The following CENPW variants were observed in gnomAD, a reference collection of about 807,000 sequenced individuals.
CENPW encodes the protein cancer-up-regulated gene 2 protein.
In CENPW, 3 loss-of-function variants were observed where a neutral mutation model predicts 11.1. That is an observed-to-expected ratio of 0.27 (90% CI 0.12 to 0.70). The LOEUF (loss-of-function observed/expected upper bound fraction) is 0.70, where lower values mean the gene tolerates loss of function less well. CENPW is among the 30% of genes least tolerant of loss of function. CENPW has a pLI of 0.77. For missense variants in CENPW, 100 were observed against 105.6 expected (o/e 0.95, Z 0.23); for synonymous variants, 38 against 42.0 (o/e 0.91, Z 0.37).
At chr6:126,406,727 C>G in the CENPW span, among the ~76,000 whole-genome samples, 1 of 151,968 alleles carries the variant, frequency 6.6e-6, no homozygotes, top group African/African-American at 2.4e-5. Flanking sequence ...TGGTGGGCAC[C>G]TGTAATCCCA....
the CENPW span, among the ~76,000 whole-genome samples, chr6:126,410,655 A>T: frequency 2.0e-5 from 3 of 151,156 alleles, no homozygotes; most frequent in African/African-American, 7.3e-5. Context: ...TTGCTTAAGG[A>T]TGTCCTGTAA....
the CENPW span, among the ~76,000 whole-genome samples, chr6:126,371,214 G>A: frequency 6.6e-6 from 1 of 152,172 alleles, no homozygotes; most frequent in African/African-American, 2.4e-5. Context: ...GTATTATGCT[G>A]GCTGTGGGTT....
chr6:126,368,521 C>T, the CENPW span, among the ~76,000 whole-genome samples: 3 of 145,890 alleles, frequency 2.1e-5, no homozygotes, highest in South Asian at 2.1e-4. Flanking sequence ...TGTATTAGGA[C>T]TTTTTTTTTT....
At chr6:126,431,034 C>G in the CENPW span, among the ~76,000 whole-genome samples, 1 of 152,106 alleles carries the variant, frequency 6.6e-6, no homozygotes. Flanking sequence ...ATCTTCCTCA[C>G]CACTATCCTA....
chr6:126,361,583 C>T, the CENPW span, among the ~76,000 whole-genome samples: 2 of 152,206 alleles, frequency 1.3e-5, no homozygotes, highest in African/African-American at 2.4e-5. Flanking sequence ...GCGTGAGCCA[C>T]CGCGCCCAGC....
At chr6:126,409,044 C>T in the CENPW span, among the ~76,000 whole-genome samples, 1 of 151,872 alleles carries the variant, frequency 6.6e-6, no homozygotes, top group Non-Finnish European at 1.5e-5. Flanking sequence ...ATCATTCAGT[C>T]GTTTACTTGA....
At chr6:126,399,021 G>A in the CENPW span, among the ~76,000 whole-genome samples, 1 of 151,914 alleles carries the variant, frequency 6.6e-6, no homozygotes, top group Non-Finnish European at 1.5e-5. Flanking sequence ...GTATTCCATT[G>A]TGTATTTGTA....
the CENPW span, among the ~76,000 whole-genome samples, chr6:126,402,336 C>T: frequency 1.3e-5 from 2 of 151,666 alleles, no homozygotes; most frequent in African/African-American, 4.8e-5. Flanking sequence ...TTCCCCTCTC[C>T]ATCTTTCTTC....
the CENPW span, among the ~76,000 whole-genome samples, chr6:126,474,161 G>A: frequency 6.6e-6 from 1 of 151,520 alleles, no homozygotes; most frequent in Admixed American, 6.6e-5. Flanking sequence ...AAAGCCCACA[G>A]CTGACATTAT....
At chr6:126,375,417 G>GA in the CENPW span, among the ~76,000 whole-genome samples, 1 of 152,132 alleles carries the variant, frequency 6.6e-6, no homozygotes, top group Non-Finnish European at 1.5e-5. Flanking sequence ...ATTCTGTGTT[G>GA]AAAAAACTAT....
At chr6:126,376,151 C>T in the CENPW span, among the ~76,000 whole-genome samples, 1 of 152,134 alleles carries the variant, frequency 6.6e-6, no homozygotes, top group Admixed American at 6.6e-5. Context: ...AAGAGTCTTA[C>T]TTGATACTGA....
the CENPW span, among the ~76,000 whole-genome samples, chr6:126,454,832 C>T: frequency 8.3e-4 from 124 of 149,454 alleles, 3 homozygotes; most frequent in South Asian, 0.025. Flanking sequence ...ACTAGCTAGA[C>T]AAATAAAAAA....
the CENPW span, among the ~76,000 whole-genome samples, chr6:126,479,310 C>G: frequency 6.6e-6 from 1 of 151,942 alleles, no homozygotes; most frequent in Non-Finnish European, 1.5e-5. Flanking sequence ...ATCTACAACT[C>G]AGATCTCTGT....
chr6:126,410,970 C>T, the CENPW span, among the ~76,000 whole-genome samples: 1 of 152,020 alleles, frequency 6.6e-6, no homozygotes, highest in Non-Finnish European at 1.5e-5. Flanking sequence ...AATACCTTTT[C>T]CATCAAGTCA....
the CENPW span, among the ~76,000 whole-genome samples, chr6:126,441,642 A>C: frequency 2.0e-5 from 3 of 151,292 alleles, no homozygotes; most frequent in African/African-American, 7.3e-5. Flanking sequence ...AGTCCCTTCT[A>C]TCATTCTCAT....
the CENPW span, among the ~76,000 whole-genome samples, chr6:126,359,408 G>T: frequency 1.2e-4 from 18 of 151,932 alleles, no homozygotes; most frequent in African/African-American, 1.7e-4. Context: ...TGATTTTTGG[G>T]TAGGTTATTC....
At chr6:126,416,953 A>C in the CENPW span, among the ~76,000 whole-genome samples, 1 of 152,194 alleles carries the variant, frequency 6.6e-6, no homozygotes, top group South Asian at 2.1e-4. Flanking sequence ...ACCATCTTCC[A>C]GACCCCAAAA....
downstream of CENPW, among the ~76,000 whole-genome samples, chr6:126,353,089 TAAAC>T (rs1266067674): frequency 2.0e-5 from 3 of 152,226 alleles, no homozygotes; most frequent in East Asian, 5.8e-4. Flanking sequence ...TTACATTTGT[TAAAC>T]CAACCATATA....
the CENPW span, among the ~76,000 whole-genome samples, chr6:126,473,484 C>T: frequency 1.3e-5 from 2 of 152,012 alleles, no homozygotes; most frequent in Admixed American, 6.6e-5. Context: ...GTAATCTCAG[C>T]GCTTTGGGAG....
Sources: allele counts gnomAD v4.1 joint callset (sites outside exome capture counted in the v4.1 genomes callset), GRCh38; gene constraint gnomAD v4.1.1; transcripts MANE v1.5; gene names NCBI Gene and HGNC (gene_info 2026-07-23, HGNC 2026-07-21).